Variants in BCAR3 observed in about 807,000 individuals in gnomAD.
BCAR3 encodes the protein breast cancer anti-estrogen resistance protein 3.
In BCAR3, 37 loss-of-function variants were observed where a neutral mutation model predicts 80.1. The observed-to-expected ratio is 0.46, with a 90% CI of 0.36 to 0.61. The LOEUF is 0.61. BCAR3 is among the 20% of genes least tolerant of loss of function. The pLI is 0.00. For missense variants in BCAR3, 978 were observed against 1,068.2 expected (o/e 0.92, Z 1.18); for synonymous variants, 389 against 418.9 (o/e 0.93, Z 0.87).
intron 3 of BCAR3, among the ~76,000 whole-genome samples, chr1:93,701,589 A>C (rs1051863199): frequency 2.6e-5 from 4 of 152,214 alleles, no homozygotes; most frequent in African/African-American, 9.6e-5. Context: ...GGGACAAAAG[A>C]GACACTGCAC....
At position 93,582,551 on chromosome 1, in the gene BCAR3, T is replaced by A. The variant is rs1353262395; in HGVS notation, c.1436A>T (p.Asp479Val). 3.1e-6 allele frequency: 5 copies of A among 1,613,472 alleles called. No homozygotes were observed. Among genetic ancestry groups the A allele is most frequent in the Non-Finnish European group, 4.2e-6 (5 of 1,179,790 alleles). The part of the protein sequence containing the change: ...RNSGVNYLIL[D>V]DDDRERPWEP... Reference sequence around the variant, plus strand: ...CCAAGGTCTTTCCCTGTCATCATCATCAAGGATCAAGTAGTTGACGCCAGA... The same window carrying A: ...CCAAGGTCTTTCCCTGTCATCATCAACAAGGATCAAGTAGTTGACGCCAGA... The change falls in exon 7 of 12, where the codon GAT (aspartate) becomes GTT (valine). Residue 479 changes from aspartate (D) to valine (V), a missense_variant. Coordinates refer to ENST00000260502, the MANE Select transcript of BCAR3 (RefSeq NM_003567.4).
chr1:93,646,682 G>T (rs557651987), intron 2 of BCAR3: 2 of 152,026 alleles, frequency 1.3e-5, no homozygotes, highest in East Asian at 1.9e-4. Flanking sequence ...TGCCATGAGG[G>T]TTATCAACTA....
rs561951399 is a variant in BCAR3, at chr1:93,789,085, T to C, written c.-63+56482A>G. On this transcript the variant is annotated intron_variant, in intron 2 of 13. Transcript: ENST00000370244. Reference sequence around the variant, plus strand: ...ATCCTAGCTCACTATAACCTCTTACTCCTGGGCTCAAGCAATTCTCCTGTC... The same window carrying C: ...ATCCTAGCTCACTATAACCTCTTACCCCTGGGCTCAAGCAATTCTCCTGTC... Among the ~76,000 whole-genome samples the C allele has an allele frequency of 3.9e-5, 6 of 152,242 alleles. No individual in the cohort carries two copies. The East Asian group carries it at 1.2e-3, about 29-fold the overall frequency.
intron 3 of BCAR3, among the ~76,000 whole-genome samples, chr1:93,636,273 C>A (rs1675776277): frequency 6.6e-6 from 1 of 152,202 alleles, no homozygotes; most frequent in Admixed American, 6.5e-5. Flanking sequence ...ATAACAGCTG[C>A]AGCCTTGTCC....
intron 3 of BCAR3, among the ~76,000 whole-genome samples, chr1:93,622,490 A>C (rs1344834981): frequency 1.3e-5 from 2 of 152,186 alleles, no homozygotes; most frequent in East Asian, 3.9e-4. Context: ...CATCTGCAAT[A>C]GTCCATCAGA....
chr1:93,627,468 G>T (rs1423115847), intron 3 of BCAR3, among the ~76,000 whole-genome samples: 1 of 152,164 alleles, frequency 6.6e-6, no homozygotes, highest in African/African-American at 2.4e-5. Context: ...TTTCTGAACT[G>T]CATACCTGTG....
At chr1:93,735,653 T>G (rs963242433) in intron 2 of BCAR3, among the ~76,000 whole-genome samples, 6 of 152,182 alleles carry the variant, frequency 3.9e-5, no homozygotes, top group Admixed American at 2.0e-4. Context: ...ATACATATAG[T>G]TTTTCAAGTC....
intron 2 of BCAR3, among the ~76,000 whole-genome samples, chr1:93,711,096 G>C (rs1256001933): frequency 6.6e-6 from 1 of 152,212 alleles, no homozygotes; most frequent in Non-Finnish European, 1.5e-5. Context: ...GAAAGAGAGA[G>C]AGAAGGCACC....
intron 3 of BCAR3, among the ~76,000 whole-genome samples, chr1:93,697,694 G>A (rs1158552866): frequency 6.6e-6 from 1 of 152,162 alleles, no homozygotes; most frequent in African/African-American, 2.4e-5. Context: ...TAAAGAGAGG[G>A]CTAGGCCGGG....
At chr1:93,578,698 G>A (rs923818954) in intron 7 of BCAR3, among the ~76,000 whole-genome samples, 1 of 152,072 alleles carries the variant, frequency 6.6e-6, no homozygotes, top group African/African-American at 2.4e-5. Flanking sequence ...CTGGGTTGTG[G>A]CCCAAGTTCC....
At chr1:93,756,837 T>A (rs117459911) in intron 2 of BCAR3, among the ~76,000 whole-genome samples, 5 of 152,360 alleles carry the variant, frequency 3.3e-5, no homozygotes. Flanking sequence ...ATGGCTTTGA[T>A]GACTAGTCCC....
rs185021442 is a variant in BCAR3, at chr1:93,845,332, T to C, written c.-63+235A>G. The stretch of plus-strand genomic sequence containing the variant: ...ACCAGTGCCTGGCATATTTCAGAAT[T>C]CAAAAAAGATTTGTTTAAATAAATA... On this transcript the variant is annotated intron_variant, in intron 2 of 13. Coordinates refer to the BCAR3 transcript ENST00000370244. Among the ~76,000 whole-genome samples the C allele has an allele frequency of 7.9e-5, 12 of 151,900 alleles. No homozygotes were observed. In the East Asian group the frequency reaches 2.3e-3, roughly 29 times the overall value.
chr1:93,773,309 G>A (rs1003112440), intron 2 of BCAR3, among the ~76,000 whole-genome samples: 1 of 152,070 alleles, frequency 6.6e-6, no homozygotes, highest in Non-Finnish European at 1.5e-5. Context: ...AGACTTGAGA[G>A]AATTTCATAG....
At chr1:93,782,602 T>C (rs1652800595) in intron 2 of BCAR3, among the ~76,000 whole-genome samples, 1 of 152,014 alleles carries the variant, frequency 6.6e-6, no homozygotes, top group Non-Finnish European at 1.5e-5. Context: ...ACAATCTGAG[T>C]GTTCATAAGG....
At chr1:93,612,272 G>C (rs570693860) in intron 3 of BCAR3, among the ~76,000 whole-genome samples, 5 of 152,060 alleles carry the variant, frequency 3.3e-5, no homozygotes, top group Non-Finnish European at 5.9e-5. Flanking sequence ...TGAAGACTTC[G>C]ACAAACTGGG....
intron 2 of BCAR3, among the ~76,000 whole-genome samples, chr1:93,812,203 T>C (rs2747044): frequency 0.6 from 91,654 of 151,984 alleles, 28,902 homozygotes; most frequent in East Asian, 0.78. Flanking sequence ...CTTTGTGTAA[T>C]TCTACTTCCC....
At chr1:93,569,126 T>C (rs1022445120) in intron 9 of BCAR3, among the ~76,000 whole-genome samples, 3 of 152,246 alleles carry the variant, frequency 2.0e-5, no homozygotes, top group African/African-American at 2.4e-5. Flanking sequence ...GGCAAGGCTA[T>C]GTTAAGTTTT....
intron 2 of BCAR3, among the ~76,000 whole-genome samples, chr1:93,642,945 G>T (rs537684632): frequency 6.6e-6 from 1 of 152,152 alleles, no homozygotes; most frequent in Non-Finnish European, 1.5e-5. Flanking sequence ...TCCCCCATAT[G>T]GGCCAGGTGT....
intron 2 of BCAR3, among the ~76,000 whole-genome samples, chr1:93,777,707 G>A (rs10443194): frequency 0.12 from 17,816 of 152,112 alleles, 1,469 homozygotes; most frequent in African/African-American, 0.22. Flanking sequence ...TTACAGGCAT[G>A]AGCCACCACA....
Sources: gnomAD v4.1 joint callset for allele counts (sites outside exome capture counted in the v4.1 genomes callset) on GRCh38, gnomAD v4.1.1 for gene constraint, MANE v1.5 for transcripts, NCBI Gene and HGNC (gene_info 2026-07-23, HGNC 2026-07-21) for gene names.